Variants in FRAS1 observed in about 807,000 individuals in gnomAD.
FRAS1 encodes extracellular matrix organizing protein FRAS1.
FRAS1 carries 290 observed loss-of-function variants against 435.2 expected under a neutral mutation model. The ratio of observed to expected loss-of-function variants is 0.67; its 90% confidence interval spans 0.61 to 0.73. The LOEUF is 0.73. Among genes scored for constraint, FRAS1 ranks in the 30% least tolerant of loss-of-function variants. The pLI, the probability that FRAS1 is intolerant of heterozygous loss-of-function variation, is 0.00. For missense variants in FRAS1, 4,860 were observed against 5,001.5 expected (o/e 0.97, Z 0.85); for synonymous variants, 1,800 against 1,851.0 (o/e 0.97, Z 0.71).
intron 37 of FRAS1, 62 bp downstream of exon 37, chr4:78,430,479 A>G: frequency 6.5e-7 from 1 of 1,549,656 alleles, no homozygotes; most frequent in Non-Finnish European, 8.8e-7. Flanking sequence ...CTCTACAATC[A>G]GTTGTTATGT....
intron 30 of FRAS1, among the ~76,000 whole-genome samples, chr4:78,401,273 C>A (rs1732882923): frequency 6.6e-6 from 1 of 152,000 alleles, no homozygotes. Flanking sequence ...CTTAATGAGA[C>A]TTAAAAAAAA....
chr4:78,091,804 C>T (rs1741539295), intron 2 of FRAS1, among the ~76,000 whole-genome samples: 1 of 151,548 alleles, frequency 6.6e-6, no homozygotes, highest in African/African-American at 2.4e-5. Context: ...ACTGCAGATG[C>T]ACACCACCAC....
intron 60 of FRAS1, among the ~76,000 whole-genome samples, chr4:78,498,912 A>T (rs1720593158): frequency 6.6e-6 from 1 of 151,820 alleles, no homozygotes. Context: ...CAGTGGGGCA[A>T]TTATGGCTCA....
Position 78,261,117 on chromosome 4 carries a change from G to A in FRAS1, c.604-3908G>A, listed in dbSNP as rs564252100. ...TCACTGTGCCTTTCCTCTGCATGGC[G>A]AGATTTTCTTAAGTTTATATCTAGT... is the stretch of plus-strand genomic sequence containing the variant. On this transcript the variant is annotated intron_variant, in intron 6 of 73. Coordinates refer to ENST00000512123, the MANE Select transcript of FRAS1 (RefSeq NM_025074.7). 4.0e-5 allele frequency among the ~76,000 whole-genome samples: 6 copies of A among 151,646 alleles called. No individual in the cohort carries two copies. The South Asian group carries it at 6.3e-4, about 16-fold the overall frequency.
chr4:78,077,469 G>A (rs1740695681), intron 2 of FRAS1, among the ~76,000 whole-genome samples: 2 of 151,808 alleles, frequency 1.3e-5, no homozygotes, highest in Admixed American at 6.6e-5. Context: ...TTCACAGGGT[G>A]CAAATATAAT....
At chr4:78,402,039 A>C (rs1732914660) in intron 30 of FRAS1, among the ~76,000 whole-genome samples, 1 of 152,100 alleles carries the variant, frequency 6.6e-6, no homozygotes, top group Non-Finnish European at 1.5e-5. Flanking sequence ...TAAAACCCCA[A>C]GAATTTCAAA....
At chr4:78,340,835 C>CTAA (rs1356680073) in intron 20 of FRAS1, among the ~76,000 whole-genome samples, 1 of 152,168 alleles carries the variant, frequency 6.6e-6, no homozygotes, top group African/African-American at 2.4e-5. Context: ...TCCGCATGTC[C>CTAA]TAATCTTCTC....
intron 10 of FRAS1, among the ~76,000 whole-genome samples, chr4:78,278,946 G>A (rs1308022329): frequency 6.6e-6 from 1 of 152,182 alleles, no homozygotes; most frequent in Non-Finnish European, 1.5e-5. Flanking sequence ...ATACTTTGTA[G>A]TATAGGGACA....
chr4:78,418,425 A>G (rs1319911379), intron 32 of FRAS1, among the ~76,000 whole-genome samples: 1 of 152,148 alleles, frequency 6.6e-6, no homozygotes, highest in Non-Finnish European at 1.5e-5. Flanking sequence ...GGAGACTTCA[A>G]TATCTCAGCT....
intron 2 of FRAS1, among the ~76,000 whole-genome samples, chr4:78,235,785 C>T (rs1477914007): frequency 6.6e-6 from 1 of 152,262 alleles, no homozygotes; most frequent in East Asian, 1.9e-4. Flanking sequence ...CCTGTCTTTA[C>T]AAAAAATACA....
intron 2 of FRAS1, among the ~76,000 whole-genome samples, chr4:78,114,529 T>G: frequency 6.6e-6 from 1 of 152,162 alleles, no homozygotes; most frequent in Non-Finnish European, 1.5e-5. Flanking sequence ...GTAGTTCTCT[T>G]GAAGAGGTCC....
intron 30 of FRAS1, among the ~76,000 whole-genome samples, chr4:78,402,681 G>A (rs1006158100): frequency 4.0e-5 from 6 of 151,028 alleles, no homozygotes; most frequent in South Asian, 2.1e-4. Flanking sequence ...CAATTCACAG[G>A]CCTTATTCAA....
chr4:78,438,114 C>A (rs1239367426), intron 38 of FRAS1, among the ~76,000 whole-genome samples: 1 of 152,078 alleles, frequency 6.6e-6, no homozygotes, highest in East Asian at 1.9e-4. Context: ...ATTTTATTAT[C>A]GTATTATATG....
chr4:78,425,605 G>A (rs6825981), intron 35 of FRAS1, among the ~76,000 whole-genome samples: 87,376 of 151,892 alleles, frequency 0.58, 25,460 homozygotes, highest in Non-Finnish European at 0.62. Flanking sequence ...ATTAAAAATC[G>A]CACTTGAATC....
At chr4:78,298,509 G>T (rs1728253478) in intron 14 of FRAS1, among the ~76,000 whole-genome samples, 1 of 151,840 alleles carries the variant, frequency 6.6e-6, no homozygotes, top group African/African-American at 2.4e-5. Context: ...TCTGGCCATG[G>T]AACATGTCTT....
intron 2 of FRAS1, among the ~76,000 whole-genome samples, chr4:78,096,636 G>A (rs987549501): frequency 2.0e-5 from 3 of 152,240 alleles, no homozygotes; most frequent in Admixed American, 6.5e-5. Context: ...CCAAGGCTTG[G>A]GCTTGCACCC....
chr4:78,434,083 A>G (rs1425269290), intron 38 of FRAS1, among the ~76,000 whole-genome samples: 1 of 152,230 alleles, frequency 6.6e-6, no homozygotes, highest in East Asian at 1.9e-4. Context: ...AAACTTTTCC[A>G]GATATGCATA....
At chr4:78,467,271 C>T (rs573720566) in intron 50 of FRAS1, among the ~76,000 whole-genome samples, 1 of 152,274 alleles carries the variant, frequency 6.6e-6, no homozygotes, top group South Asian at 2.1e-4. Flanking sequence ...CTCTCTCTCT[C>T]CATGGGTTCA....
chr4:78,396,049 G>A (rs1236263565), intron 29 of FRAS1, among the ~76,000 whole-genome samples: 1 of 151,876 alleles, frequency 6.6e-6, no homozygotes, highest in Non-Finnish European at 1.5e-5. Flanking sequence ...TGATTGCCAT[G>A]AGGGTTACAT....
Sources: allele counts gnomAD v4.1 joint callset (sites outside exome capture counted in the v4.1 genomes callset), GRCh38; gene constraint gnomAD v4.1.1; transcripts MANE v1.5; gene names NCBI Gene and HGNC (gene_info 2026-07-23, HGNC 2026-07-21).